Variants in SNX29 observed in about 807,000 individuals in gnomAD.
SNX29 encodes sorting nexin-29.
In SNX29, 78 loss-of-function variants were observed where a neutral mutation model predicts 102.1. That is an observed-to-expected ratio of 0.76 (90% CI 0.64 to 0.92). SNX29 has a LOEUF of 0.92. Ranked by LOEUF, SNX29 falls within the 40% of genes least tolerant of loss-of-function variation. The pLI is 0.00. For missense variants in SNX29, 1,280 were observed against 1,061.7 expected (o/e 1.21, Z -2.86); for synonymous variants, 580 against 414.5 (o/e 1.40, Z -4.85).
At chr16:12,417,749 A>C (rs2084701169) in intron 18 of SNX29, among the ~76,000 whole-genome samples, 1 of 145,378 alleles carries the variant, frequency 6.9e-6, no homozygotes. Context: ...TTGTCTCCTC[A>C]CCCTCCTCAC....
intron 3 of SNX29, among the ~76,000 whole-genome samples, chr16:12,019,333 G>T (rs2056945985): frequency 6.6e-6 from 1 of 151,524 alleles, no homozygotes; most frequent in South Asian, 2.1e-4. Flanking sequence ...TCAGCCTCCC[G>T]AGTAGCTGGG....
At chr16:12,165,248 G>A (rs1009734041) in intron 13 of SNX29, among the ~76,000 whole-genome samples, 2 of 152,228 alleles carry the variant, frequency 1.3e-5, no homozygotes, top group Non-Finnish European at 2.9e-5. Flanking sequence ...TAATTGTCCT[G>A]AAGAAGAGAG....
chr16:12,563,223 G>A (rs930441123), intron 20 of SNX29, among the ~76,000 whole-genome samples: 2 of 151,902 alleles, frequency 1.3e-5, no homozygotes, highest in South Asian at 2.1e-4. Flanking sequence ...CTCATACCCT[G>A]AAAGTGGCCT....
At chr16:12,447,388 C>CT (rs2086111736) in intron 18 of SNX29, among the ~76,000 whole-genome samples, 1 of 152,058 alleles carries the variant, frequency 6.6e-6, no homozygotes, top group Non-Finnish European at 1.5e-5. Context: ...AAAATCAAAA[C>CT]TAAAAACTAT....
intron 11 of SNX29, among the ~76,000 whole-genome samples, chr16:12,101,705 T>G (rs1384682742): frequency 6.6e-6 from 1 of 152,118 alleles, no homozygotes; most frequent in African/African-American, 2.4e-5. Flanking sequence ...TTTAATCATC[T>G]TATGTTGGCA....
At chr16:12,436,115 G>T (rs894581718) in intron 18 of SNX29, among the ~76,000 whole-genome samples, 3 of 152,184 alleles carry the variant, frequency 2.0e-5, no homozygotes, top group African/African-American at 7.2e-5. Flanking sequence ...TGATGCAGAC[G>T]TAGCTGAAGG....
At chr16:12,241,737 C>T (rs2078110893) in intron 14 of SNX29, among the ~76,000 whole-genome samples, 1 of 152,238 alleles carries the variant, frequency 6.6e-6, no homozygotes, top group Non-Finnish European at 1.5e-5. Flanking sequence ...GCTGGGATTA[C>T]AGGCATGAGC....
intron 3 of SNX29, among the ~76,000 whole-genome samples, chr16:12,004,601 T>A (rs1459981382): frequency 6.6e-6 from 1 of 152,142 alleles, no homozygotes; most frequent in Non-Finnish European, 1.5e-5. Flanking sequence ...TGCTCAATGT[T>A]CATCTCATCC....
chr16:12,341,198 T>C lies in SNX29; in HGVS notation c.1783-14965T>C, dbSNP rs560749560. ...CATTAGAAAGTACTGCCTGGGCCCA[T>C]ATAGCAGACAGAATACAAGTCTTGT... On this transcript the variant is annotated intron_variant, in intron 15 of 20. Transcript: ENST00000566228. Among the ~76,000 whole-genome samples the C allele has an allele frequency of 3.3e-5, 5 of 152,348 alleles. No individual in the cohort carries two copies. In the South Asian group the frequency reaches 8.3e-4, roughly 25 times the overall value.
At chr16:12,410,138 G>GC (rs2084337140) in intron 18 of SNX29, among the ~76,000 whole-genome samples, 1 of 152,010 alleles carries the variant, frequency 6.6e-6, no homozygotes, top group Admixed American at 6.6e-5. Context: ...GGGAGTACAG[G>GC]CACCCATCAC....
intron 1 of SNX29, among the ~76,000 whole-genome samples, chr16:11,978,799 C>T (rs1315811081): frequency 6.6e-6 from 1 of 152,080 alleles, no homozygotes; most frequent in Admixed American, 6.6e-5. Flanking sequence ...GTGGCACGCG[C>T]CTGTAATCCC....
intron 13 of SNX29, among the ~76,000 whole-genome samples, chr16:12,155,339 C>T (rs2055497550): frequency 6.6e-6 from 1 of 152,164 alleles, no homozygotes; most frequent in Non-Finnish European, 1.5e-5. Flanking sequence ...TTCAGAAGAA[C>T]AGGCGCAATT....
At chr16:12,141,980 G>A (rs2054884383) in intron 13 of SNX29, among the ~76,000 whole-genome samples, 1 of 152,196 alleles carries the variant, frequency 6.6e-6, no homozygotes, top group African/African-American at 2.4e-5. Context: ...GAGCTGTTAT[G>A]GTTCAAACAC....
At chr16:12,042,843 C>G in intron 4 of SNX29, 54 bp from the exon 5 acceptor site, 2 of 1,545,726 alleles carry the variant, frequency 1.3e-6, no homozygotes, top group Non-Finnish European at 1.8e-6. Context: ...TGTTCCTCTC[C>G]CAGTGCTGAG....
intron 14 of SNX29, among the ~76,000 whole-genome samples, chr16:12,232,612 G>A (rs1054185135): frequency 2.7e-4 from 41 of 152,302 alleles, no homozygotes; most frequent in African/African-American, 7.9e-4. Flanking sequence ...TGGGCTTCAC[G>A]GTGGAGTAGT....
chr16:12,535,281 G>A (rs977826417), intron 20 of SNX29, among the ~76,000 whole-genome samples: 2 of 152,166 alleles, frequency 1.3e-5, no homozygotes, highest in African/African-American at 4.8e-5. Flanking sequence ...TGGGATTACA[G>A]GCATGTGCCA....
intron 18 of SNX29, among the ~76,000 whole-genome samples, chr16:12,469,985 C>G (rs1216726551): frequency 1.3e-5 from 2 of 152,134 alleles, no homozygotes; most frequent in Non-Finnish European, 2.9e-5. Flanking sequence ...TGCACTCCAG[C>G]CTGGGCAACA....
At chr16:12,246,829 G>T (rs1014302542) in intron 14 of SNX29, among the ~76,000 whole-genome samples, 25 of 152,180 alleles carry the variant, frequency 1.6e-4, no homozygotes, top group African/African-American at 5.8e-4. Flanking sequence ...GGATGTTGGG[G>T]ATGGATCTGG....
intron 20 of SNX29, among the ~76,000 whole-genome samples, chr16:12,559,236 C>G (rs972737813): frequency 3.3e-5 from 5 of 152,090 alleles, no homozygotes; most frequent in Admixed American, 1.3e-4. Flanking sequence ...CACTCCCCAT[C>G]ACTCGCATCA....
Sources: gnomAD v4.1 joint callset for allele counts (sites outside exome capture counted in the v4.1 genomes callset) on GRCh38, gnomAD v4.1.1 for gene constraint, MANE v1.5 for transcripts, NCBI Gene and HGNC (gene_info 2026-07-23, HGNC 2026-07-21) for gene names.